The following BRAF variants were observed in gnomAD, a reference collection of about 807,000 sequenced individuals.
BRAF encodes the protein serine/threonine-protein kinase B-raf.
BRAF carries 16 observed loss-of-function variants against 104.6 expected under a neutral mutation model. The observed-to-expected ratio is 0.15, with a 90% CI of 0.10 to 0.23. The LOEUF is 0.23. BRAF is among the 10% of genes least tolerant of loss of function. The probability of loss-of-function intolerance (pLI) is 1.00; values close to 1 mark genes in which losing one functional copy is unlikely to be tolerated. For synonymous variants in BRAF, 310 were observed against 341.6 expected, an observed-to-expected ratio of 0.91 and a Z score of 1.02; for missense variants, 541 against 937.3, an observed-to-expected ratio of 0.58 and a Z score of 5.52.
chr7:140,876,428 A>C (rs555457543), intron 1 of BRAF, among the ~76,000 whole-genome samples: 18 of 152,338 alleles, frequency 1.2e-4, no homozygotes, highest in Middle Eastern at 3.4e-3. Flanking sequence ...GAAGCAGCTA[A>C]CAGAAAACAA....
At position 140,724,456 on chromosome 7, in the gene BRAF, T is replaced by C. The variant is rs1342521732; in HGVS notation, c.*2038A>G. On this transcript the variant is annotated 3_prime_UTR_variant, in exon 20 of 20. Coordinates refer to ENST00000644969, the MANE Select transcript of BRAF (RefSeq NM_001374258.1). ...ATGTTCTTCAAATCAGCGTGAATTA[T>C]TTCCACCTTTGCAATTTCTGAATTT... is the stretch of plus-strand genomic sequence containing the variant. The C allele has an allele frequency of 5.7e-6, 6 of 1,054,454 alleles. No individual in the cohort carries two copies. Among genetic ancestry groups the C allele is most frequent in the South Asian group, 9.1e-5 (2 of 21,900 alleles). The allele number at this position is 1,054,454 out of a possible 1,614,324, so 65.3% of individuals were successfully genotyped here.
At chr7:140,854,154 G>A (rs1167874675) in intron 1 of BRAF, among the ~76,000 whole-genome samples, 1 of 152,056 alleles carries the variant, frequency 6.6e-6, no homozygotes, top group Non-Finnish European at 1.5e-5. Context: ...ATTTTTAGTA[G>A]AGATGGGGTT....
intron 1 of BRAF, among the ~76,000 whole-genome samples, chr7:140,861,265 A>C (rs1479632091): frequency 6.6e-6 from 1 of 152,208 alleles, no homozygotes; most frequent in Non-Finnish European, 1.5e-5. Flanking sequence ...ACTCTGGTCC[A>C]CTATACAAAT....
Position 140,725,859 on chromosome 7 carries a change from GC to G in BRAF, c.*634del. The stretch of plus-strand genomic sequence containing the variant: ...GGAGGTCAGGAAGAAGATGCAGCAT[GC>G]CCTTTTCCTCCATACCAAGACACAT... On this transcript the variant is annotated 3_prime_UTR_variant, in exon 20 of 20. Transcript: ENST00000644969. The G allele has an allele frequency of 9.4e-7, 1 of 1,063,080 alleles. No homozygotes were observed. The allele number at this position is 1,063,080 out of a possible 1,614,324, so 65.9% of individuals were successfully genotyped here.
In BRAF at chr7:140,781,698, A is replaced by G; in HGVS notation, c.1435-5T>C. ...GTCCCGTCTACCAAGTGTTTTCTTG[A>G]TAAAAACAGTAAAAAAGTCAAGTCA... On this transcript the variant is annotated splice_polypyrimidine_tract_variant and splice_region_variant and intron_variant, in intron 11 of 19. Coordinates refer to ENST00000644969, the MANE Select transcript of BRAF (RefSeq NM_001374258.1). 6.2e-7 allele frequency: 1 copy of G among 1,612,264 alleles called. No homozygotes were observed. The highest frequency in any genetic ancestry group is 1.1e-5 in the South Asian group (1 of 91,042).
At chr7:140,912,343 C>T (rs370340071) in intron 1 of BRAF, among the ~76,000 whole-genome samples, 1 of 152,192 alleles carries the variant, frequency 6.6e-6, no homozygotes, top group Admixed American at 6.5e-5. Context: ...ATCACGTCGA[C>T]CTTCCTAGCA....
At chr7:140,785,551 C>T (rs1197005511) in intron 10 of BRAF, 3 of 393,514 alleles carry the variant, frequency 7.6e-6, no homozygotes, top group Non-Finnish European at 1.3e-5. Flanking sequence ...CAAAGCATTC[C>T]AGCCAGGCCA....
At chr7:140,798,962 C>T (rs1484169412) in intron 7 of BRAF, 2 of 173,530 alleles carry the variant, frequency 1.2e-5, no homozygotes, top group African/African-American at 4.7e-5. Flanking sequence ...TCTCCTGCCT[C>T]AGCCTCCTGA....
At chr7:140,800,247 G>A (rs1164239760) in intron 7 of BRAF, 115 bp downstream of exon 7, 7 of 1,519,994 alleles carry the variant, frequency 4.6e-6, no homozygotes, top group Non-Finnish European at 6.3e-6. Context: ...AGTTATTTGG[G>A]GAAAAAGTCC....
rs958352205 is a variant in BRAF at position 140,722,662 on chromosome 7, C to T, written c.*3832G>A. ...AAGAGAATCTTGCAAAAAGAGTAAT[C>T]ATTCTACCCTCTTAGCTGGGTGGTC... On this transcript the variant is annotated 3_prime_UTR_variant, in exon 20 of 20. Transcript: ENST00000644969. 1 of 1,052,798 alleles carries T rather than the reference C, an allele frequency of 9.5e-7. No homozygotes were observed. The highest frequency in any genetic ancestry group is 5.5e-5 in the Admixed American group (1 of 18,314). The allele number at this position is 1,052,798 out of a possible 1,614,324, so 65.2% of individuals were successfully genotyped here.
intron 2 of BRAF, among the ~76,000 whole-genome samples, chr7:140,838,888 A>T (rs1807628930): frequency 6.6e-6 from 1 of 152,216 alleles, no homozygotes; most frequent in South Asian, 2.1e-4. Context: ...TGTGGGAATG[A>T]TAAAAATATT....
intron 2 of BRAF, chr7:140,835,142 A>C (rs1562985784): frequency 2.5e-6 from 1 of 397,712 alleles, no homozygotes; most frequent in Non-Finnish European, 4.5e-6. Flanking sequence ...ATAATAAAAA[A>C]GCACAGTATT....
intron 1 of BRAF, among the ~76,000 whole-genome samples, chr7:140,912,372 T>C (rs573598338): frequency 1.4e-4 from 22 of 152,172 alleles, no homozygotes; most frequent in Non-Finnish European, 8.8e-5. Flanking sequence ...AACCACATAC[T>C]CTGCTTAATG....
intron 1 of BRAF, among the ~76,000 whole-genome samples, chr7:140,904,997 A>G (rs543417912): frequency 6.6e-6 from 1 of 152,322 alleles, no homozygotes; most frequent in East Asian, 1.9e-4. Flanking sequence ...GAAAATGGAC[A>G]GAAAAAAATG....
At chr7:140,801,658 T>C (rs1266498395) in intron 5 of BRAF, 98 bp from the exon 6 acceptor site, 14 of 1,302,996 alleles carry the variant, frequency 1.1e-5, no homozygotes, top group Non-Finnish European at 1.2e-5. Flanking sequence ...AAAGTTGTAA[T>C]ATATTTATAT....
chr7:140,726,560 A>T, intron 19 of BRAF: 1 of 1,455,428 alleles, frequency 6.9e-7, no homozygotes, highest in Non-Finnish European at 9.3e-7. Context: ...AGTCATCTCA[A>T]ATAACCTAGA....
chr7:140,899,593 A>T (rs1187812447), intron 1 of BRAF, among the ~76,000 whole-genome samples: 4 of 152,130 alleles, frequency 2.6e-5, no homozygotes, highest in African/African-American at 9.7e-5. Context: ...CCTAATTGTT[A>T]ACTAGATTAA....
At chr7:140,739,641 A>G (rs768036408) in intron 18 of BRAF, among the ~76,000 whole-genome samples, 171 bp downstream of exon 17, 6 of 152,110 alleles carry the variant, frequency 3.9e-5, no homozygotes, top group African/African-American at 7.2e-5. Context: ...CAAAATTTCT[A>G]GGTGTGCCAC....
chr7:140,862,892 T>C (rs900137707), intron 1 of BRAF, among the ~76,000 whole-genome samples: 1 of 152,228 alleles, frequency 6.6e-6, no homozygotes, highest in African/African-American at 2.4e-5. Flanking sequence ...CTGTTATTTT[T>C]TAAAAGATAG....
Sources: gnomAD v4.1 joint callset for allele counts (sites outside exome capture counted in the v4.1 genomes callset) on GRCh38, gnomAD v4.1.1 for gene constraint, MANE v1.5 for transcripts, NCBI Gene and HGNC (gene_info 2026-07-23, HGNC 2026-07-21) for gene names.